The following RABGEF1 variants were observed in gnomAD, a reference collection of about 807,000 sequenced individuals.
RABGEF1 encodes rab5 GDP/GTP exchange factor.
Under a neutral mutation model 57.3 loss-of-function variants are expected in RABGEF1, and 26 were observed. That is an observed-to-expected ratio of 0.45 (90% CI 0.33 to 0.63). RABGEF1 has a LOEUF of 0.63. RABGEF1 is among the 20% of genes least tolerant of loss of function. The pLI is 0.02. For synonymous variants in RABGEF1, 185 were observed against 210.7 expected (o/e 0.88, Z 1.06); for missense variants, 464 against 607.6 (o/e 0.76, Z 2.48).
At chr7:66,795,060 T>A (rs1010541344) in intron 4 of RABGEF1, among the ~76,000 whole-genome samples, 1 of 151,494 alleles carries the variant, frequency 6.6e-6, no homozygotes, top group Non-Finnish European at 1.5e-5. Context: ...CCCACCGGGG[T>A]GGAGTTTTGG....
intron 2 of RABGEF1, among the ~76,000 whole-genome samples, chr7:66,714,914 G>A (rs1413642664): frequency 3.9e-5 from 6 of 152,152 alleles, no homozygotes; most frequent in South Asian, 2.1e-4. Context: ...CAGCCTGGGC[G>A]ACAGAGCGAG....
At chr7:66,717,807 G>A (rs1337607961) in intron 2 of RABGEF1, among the ~76,000 whole-genome samples, 2 of 151,824 alleles carry the variant, frequency 1.3e-5, no homozygotes, top group Non-Finnish European at 1.5e-5. Flanking sequence ...TGATCCACTC[G>A]CCTTGGCCTC....
chr7:66,802,740 GT>G (rs572532840), intron 7 of RABGEF1, among the ~76,000 whole-genome samples: 72 of 152,322 alleles, frequency 4.7e-4, no homozygotes, highest in Non-Finnish European at 4.1e-4. Flanking sequence ...CCCTGGGGGT[GT>G]TTGTCTTTCT....
At chr7:66,665,938 T>G in the RABGEF1 span, among the ~76,000 whole-genome samples, 2 of 151,950 alleles carry the variant, frequency 1.3e-5, no homozygotes, top group Admixed American at 1.3e-4. Flanking sequence ...ACGGACCAGG[T>G]GGAGGTCAAG....
intron 4 of RABGEF1, among the ~76,000 whole-genome samples, chr7:66,789,341 C>G (rs1187034490): frequency 6.6e-6 from 1 of 152,082 alleles, no homozygotes; most frequent in Non-Finnish European, 1.5e-5. Flanking sequence ...GTGGAAATAG[C>G]TCTGAGCTCT....
At chr7:66,675,581 T>C in the RABGEF1 span, among the ~76,000 whole-genome samples, 2 of 152,170 alleles carry the variant, frequency 1.3e-5, no homozygotes, top group African/African-American at 4.8e-5. Context: ...TTGGAAGTTC[T>C]AGTCAGGACA....
chr7:66,737,154 T>C (rs1798085942), upstream of RABGEF1, among the ~76,000 whole-genome samples: 1 of 151,688 alleles, frequency 6.6e-6, no homozygotes, highest in Non-Finnish European at 1.5e-5. Context: ...GGTCTCAAGC[T>C]CCTGGCTTTA....
chr7:66,680,068 C>G (rs1404837553), upstream of RABGEF1, among the ~76,000 whole-genome samples: 1 of 152,116 alleles, frequency 6.6e-6, no homozygotes, highest in African/African-American at 2.4e-5. Flanking sequence ...CATTCTGTTT[C>G]ACAGAATGGT....
At chr7:66,790,839 G>GC (rs1389896118) in intron 4 of RABGEF1, among the ~76,000 whole-genome samples, 5 of 152,284 alleles carry the variant, frequency 3.3e-5, no homozygotes, top group African/African-American at 9.6e-5. Flanking sequence ...AGTAAAAAAG[G>GC]CCAATAGGAC....
chr7:66,732,396 G>A (rs1255951660), intron 2 of RABGEF1, among the ~76,000 whole-genome samples: 1 of 152,212 alleles, frequency 6.6e-6, no homozygotes, highest in Non-Finnish European at 1.5e-5. Flanking sequence ...AAGAGGTGAG[G>A]AGAAGCAGAT....
At chr7:66,727,451 G>A (rs1418193767) in intron 2 of RABGEF1, among the ~76,000 whole-genome samples, 1 of 152,242 alleles carries the variant, frequency 6.6e-6, no homozygotes, top group Non-Finnish European at 1.5e-5. Flanking sequence ...TTGGATTCAT[G>A]ACCTTTCAGC....
intron 1 of RABGEF1, among the ~76,000 whole-genome samples, chr7:66,705,326 A>T (rs1793852387): frequency 6.6e-6 from 1 of 151,940 alleles, no homozygotes; most frequent in South Asian, 2.1e-4. Flanking sequence ...AATCCCACCT[A>T]CTAGGGAGGC....
At chr7:66,797,857 C>T (rs941572636) in intron 6 of RABGEF1, among the ~76,000 whole-genome samples, 11 of 152,150 alleles carry the variant, frequency 7.2e-5, no homozygotes, top group East Asian at 1.9e-4. Context: ...CGGCTGGGCC[C>T]GGTGGCTCAT....
chr7:66,655,508 C>G, the RABGEF1 span, among the ~76,000 whole-genome samples: 2 of 152,198 alleles, frequency 1.3e-5, no homozygotes, highest in South Asian at 2.1e-4. Flanking sequence ...AGCTACTTTC[C>G]CCCCCTAAAC....
chr7:66,690,633 G>T (rs1722618535), intron 1 of RABGEF1, among the ~76,000 whole-genome samples: 1 of 151,400 alleles, frequency 6.6e-6, no homozygotes, highest in African/African-American at 2.4e-5. Context: ...AAGGATCTGG[G>T]AAGTTGAGGC....
intron 1 of RABGEF1, among the ~76,000 whole-genome samples, chr7:66,700,534 TAGTA>T (rs755740126): frequency 1.4e-5 from 2 of 138,212 alleles, no homozygotes; most frequent in East Asian, 4.6e-4. Flanking sequence ...GGAGGGGACT[TAGTA>T]AGAGGGTACA....
intron 3 of RABGEF1, among the ~76,000 whole-genome samples, chr7:66,780,624 A>C (rs748594669): frequency 3.3e-5 from 5 of 152,182 alleles, no homozygotes; most frequent in Non-Finnish European, 5.9e-5. Flanking sequence ...CCTCTCTGTC[A>C]ATTACTAAAT....
intron 2 of RABGEF1, among the ~76,000 whole-genome samples, chr7:66,721,840 TC>T (rs761227269): frequency 2.6e-5 from 4 of 152,094 alleles, no homozygotes; most frequent in Non-Finnish European, 4.4e-5. Context: ...TCTTTTTACT[TC>T]CTTGGTGCTT....
At chr7:66,656,241 C>T in the RABGEF1 span, among the ~76,000 whole-genome samples, 4 of 152,106 alleles carry the variant, frequency 2.6e-5, no homozygotes, top group African/African-American at 4.8e-5. Context: ...CTCAGCCTCC[C>T]AAGTTGCTGA....
Sources: gnomAD v4.1 joint callset for allele counts (sites outside exome capture counted in the v4.1 genomes callset) on GRCh38, gnomAD v4.1.1 for gene constraint, MANE v1.5 for transcripts, NCBI Gene and HGNC (gene_info 2026-07-23, HGNC 2026-07-21) for gene names.